ANKFN1: variants seen among roughly 807,000 people sequenced by gnomAD.
The protein encoded by ANKFN1 is ankyrin repeat and fibronectin type-III domain-containing protein 1.
A neutral mutation model predicts 108.7 loss-of-function variants in ANKFN1; 74 were observed. That is an observed-to-expected ratio of 0.68 (90% CI 0.56 to 0.83). ANKFN1 has a LOEUF of 0.83. Among genes scored for constraint, ANKFN1 ranks in the 40% least tolerant of loss-of-function variants. The pLI is 0.00. For missense variants in ANKFN1, 1,505 were observed against 1,382.3 expected (o/e 1.09, Z -1.41); for synonymous variants, 547 against 516.2 (o/e 1.06, Z -0.81).
rs1201493902 is a variant in ANKFN1, at chr17:56,506,082, C to T, written c.2645-4391C>T. 2.0e-5 allele frequency among the ~76,000 whole-genome samples: 3 copies of T among 151,972 alleles called. No homozygotes were observed. The East Asian group carries it at 5.8e-4, about 29-fold the overall frequency. Reference sequence around the variant, plus strand: ...GTTTGTTTATTTGTTTTTTATTATACTTTAAGTTCTAGGGTACATGTGCAC... The same window carrying T: ...GTTTGTTTATTTGTTTTTTATTATATTTTAAGTTCTAGGGTACATGTGCAC... On this transcript the variant is annotated intron_variant, in intron 20 of 20. Coordinates refer to ENST00000682825, the MANE Select transcript of ANKFN1 (RefSeq NM_001370326.1).
intron 8 of ANKFN1, among the ~76,000 whole-genome samples, chr17:56,410,003 AC>A (rs1258062177): frequency 6.6e-6 from 1 of 152,220 alleles, no homozygotes; most frequent in African/African-American, 2.4e-5. Flanking sequence ...AAAGTAGAGT[AC>A]TATTAAGCAG....
intron 1 of ANKFN1, among the ~76,000 whole-genome samples, chr17:56,187,279 A>G (rs2143662591): frequency 6.6e-6 from 1 of 152,358 alleles, no homozygotes; most frequent in East Asian, 1.9e-4. Context: ...GGCAAAGGAT[A>G]TGAACAGACA....
chr17:56,411,412 A>G (rs910316773), intron 8 of ANKFN1, among the ~76,000 whole-genome samples: 2 of 152,152 alleles, frequency 1.3e-5, no homozygotes, highest in East Asian at 1.9e-4. Context: ...AAGATTTTCT[A>G]TATGTAAGAT....
chr17:56,457,218 G>C, intron 12 of ANKFN1, 39 bp from the exon 13 acceptor site: 2 of 1,514,176 alleles, frequency 1.3e-6, no homozygotes, highest in South Asian at 2.6e-5. Context: ...TTTCCAAGAT[G>C]GTTGAGGACA....
At chr17:56,263,902 A>G (rs377243736) in intron 3 of ANKFN1, among the ~76,000 whole-genome samples, 9 of 152,198 alleles carry the variant, frequency 5.9e-5, no homozygotes, top group African/African-American at 2.2e-4. Flanking sequence ...GACCCCTTCT[A>G]GGGGCCAAGT....
At chr17:56,114,570 G>A (rs1239813728) in intron 4 of ANKFN1, among the ~76,000 whole-genome samples, 13 of 152,104 alleles carry the variant, frequency 8.5e-5, no homozygotes, top group Non-Finnish European at 1.9e-4. Context: ...TAGTGTGAGG[G>A]GTGAGAAATT....
intron 1 of ANKFN1, among the ~76,000 whole-genome samples, chr17:56,160,015 T>C (rs1486927058): frequency 6.6e-6 from 1 of 152,170 alleles, no homozygotes; most frequent in Non-Finnish European, 1.5e-5. Context: ...TCTCCTGCTG[T>C]GTGTTTGCAG....
At chr17:56,270,224 T>C (rs542353617) in intron 3 of ANKFN1, among the ~76,000 whole-genome samples, 42 of 151,876 alleles carry the variant, frequency 2.8e-4, no homozygotes, top group African/African-American at 1.0e-3. Context: ...GTTAGCAGAG[T>C]CTCCGAGGCT....
intron 1 of ANKFN1, among the ~76,000 whole-genome samples, chr17:56,173,844 A>G (rs1398987564): frequency 6.6e-6 from 1 of 152,208 alleles, no homozygotes; most frequent in African/African-American, 2.4e-5. Context: ...TACTCTATAA[A>G]TATTTGGTGA....
At chr17:56,145,748 T>A (rs1908218850) in intron 4 of ANKFN1, among the ~76,000 whole-genome samples, 1 of 152,242 alleles carries the variant, frequency 6.6e-6, no homozygotes, top group East Asian at 1.9e-4. Flanking sequence ...TCAAAACCAA[T>A]CATGCGTTCC....
chr17:56,053,953 C>T (rs925008550), intron 4 of ANKFN1, among the ~76,000 whole-genome samples: 1 of 152,162 alleles, frequency 6.6e-6, no homozygotes, highest in Non-Finnish European at 1.5e-5. Flanking sequence ...GCCTGCCATC[C>T]AAGTAATGTA....
intron 1 of ANKFN1, among the ~76,000 whole-genome samples, chr17:56,186,334 ATTATAGAACTTATAAAGCCCTTTCAC>A (rs149123185): frequency 0.21 from 31,569 of 152,088 alleles, 3,452 homozygotes; most frequent in East Asian, 0.3. Context: ...TCTGAATAGC[ATTATAGAACTTATAAAGCCCTTTCAC>A]TTATATTATC....
intron 3 of ANKFN1, among the ~76,000 whole-genome samples, chr17:56,317,366 A>T (rs183603021): frequency 1.5e-4 from 23 of 152,242 alleles, no homozygotes; most frequent in Admixed American, 9.8e-4. Context: ...TTCATCTTTG[A>T]CTCATAGGAA....
chr17:56,070,975 C>T (rs1231188636), intron 4 of ANKFN1, among the ~76,000 whole-genome samples: 1 of 149,574 alleles, frequency 6.7e-6, no homozygotes, highest in Non-Finnish European at 1.5e-5. Flanking sequence ...ACCTCATGAT[C>T]TGCCCACCTC....
intron 4 of ANKFN1, among the ~76,000 whole-genome samples, chr17:56,130,352 GACA>G (rs1907203773): frequency 6.6e-6 from 1 of 152,118 alleles, no homozygotes; most frequent in Non-Finnish European, 1.5e-5. Flanking sequence ...GTGTCTAGAT[GACA>G]ACAAGTTTAC....
At chr17:56,302,782 A>G (rs1025833029) in intron 3 of ANKFN1, among the ~76,000 whole-genome samples, 2 of 152,194 alleles carry the variant, frequency 1.3e-5, no homozygotes, top group East Asian at 3.8e-4. Context: ...TTTACACAAA[A>G]ATGAGAACTG....
intron 4 of ANKFN1, among the ~76,000 whole-genome samples, chr17:56,074,318 C>A (rs1209073946): frequency 6.6e-6 from 1 of 152,202 alleles, no homozygotes; most frequent in Non-Finnish European, 1.5e-5. Flanking sequence ...CCCACGGCTC[C>A]ATTAATGGTT....
chr17:56,072,503 G>T (rs964693403), intron 4 of ANKFN1, among the ~76,000 whole-genome samples: 1 of 152,046 alleles, frequency 6.6e-6, no homozygotes, highest in Admixed American at 6.5e-5. Context: ...CAGAACCCCC[G>T]TTCATGAGAC....
At position 56,480,681 on chromosome 17, in the gene ANKFN1, T is replaced by G. The variant is rs1274029130; in HGVS notation, c.1954T>G (p.Trp652Gly). 6.2e-7 allele frequency: 1 copy of G among 1,613,894 alleles called. No individual in the cohort carries two copies. The highest frequency in any genetic ancestry group is 1.7e-5 in the Admixed American group (1 of 60,006). Residue 652 changes from tryptophan to glycine, a missense_variant, in exon 17 of 21, where the codon TGG (tryptophan) becomes GGG (glycine). Coordinates refer to ENST00000682825, the MANE Select transcript of ANKFN1 (RefSeq NM_001370326.1). ...NNNISREEWE[W>G]IQKLSGSESM... is the part of the protein sequence containing the mutation. ...CTCAACATACAGAGAGGAATGGGAA[T>G]GGATCCAAAAGCTTTCTGGCTCTGA...
Sources: gnomAD v4.1 joint callset for allele counts (sites outside exome capture counted in the v4.1 genomes callset) on GRCh38, gnomAD v4.1.1 for gene constraint, MANE v1.5 for transcripts, NCBI Gene and HGNC (gene_info 2026-07-23, HGNC 2026-07-21) for gene names.